KDM4C: variants seen among roughly 807,000 people sequenced by gnomAD.
The protein encoded by KDM4C is lysine demethylase 4C.
A neutral mutation model predicts 129.3 loss-of-function variants in KDM4C; 81 were observed. The observed-to-expected ratio is 0.63, with a 90% confidence interval of 0.52 to 0.75. The LOEUF (loss-of-function observed/expected upper bound fraction) is 0.75. KDM4C is among the 30% of genes least tolerant of loss of function. The probability of loss-of-function intolerance (pLI) is 0.00; values close to 1 mark genes in which losing one functional copy is unlikely to be tolerated. For synonymous variants in KDM4C, 573 were observed against 456.1 expected, an observed-to-expected ratio of 1.26 and a Z score of -3.26; for missense variants, 1,457 against 1,304.0, an observed-to-expected ratio of 1.12 and a Z score of -1.81.
At chr9:7,089,977 C>T (rs1332065407) in intron 17 of KDM4C, among the ~76,000 whole-genome samples, 1 of 152,228 alleles carries the variant, frequency 6.6e-6, no homozygotes, top group African/African-American at 2.4e-5. Flanking sequence ...CTGCCCATGC[C>T]AGTGCATCTT....
chr9:7,107,812 G>A (rs1837867136), intron 18 of KDM4C, among the ~76,000 whole-genome samples: 1 of 152,002 alleles, frequency 6.6e-6, no homozygotes, highest in Admixed American at 6.6e-5. Flanking sequence ...TTTTCCTTTA[G>A]TATTATTGTA....
chr9:7,165,508 C>A, intron 20 of KDM4C, 151 bp downstream of exon 20: 1 of 875,198 alleles, frequency 1.1e-6, no homozygotes, highest in Non-Finnish European at 1.7e-6. Flanking sequence ...GTGTAATGAC[C>A]CAGGTCGAAA....
intron 1 of KDM4C, among the ~76,000 whole-genome samples, chr9:6,751,920 A>G (rs1818074218): frequency 6.6e-6 from 1 of 152,224 alleles, no homozygotes; most frequent in Non-Finnish European, 1.5e-5. Context: ...GAATGTGAAA[A>G]TATCTTACAA....
At chr9:6,778,368 G>T (rs987343841) in intron 1 of KDM4C, among the ~76,000 whole-genome samples, 10 of 151,844 alleles carry the variant, frequency 6.6e-5, no homozygotes, top group African/African-American at 2.2e-4. Context: ...GGGATTATGG[G>T]CATGAGCCAC....
At chr9:6,877,108 A>G (rs1204320820) in intron 5 of KDM4C, among the ~76,000 whole-genome samples, 1 of 152,050 alleles carries the variant, frequency 6.6e-6, no homozygotes, top group African/African-American at 2.4e-5. Context: ...GCTGTCCTTC[A>G]TTCTCCCAGG....
In KDM4C at chr9:6,810,435, A is replaced by G. The variant is rs141515420; in HGVS notation, c.321-4196A>G. Among the ~76,000 whole-genome samples, 558 of 152,360 alleles carry G rather than the reference A, an allele frequency of 3.7e-3. 5 individuals are homozygous for G. Among genetic ancestry groups the G allele is most frequent in the African/African-American group, 0.012 (518 of 41,580 alleles). Reference sequence around the variant, plus strand: ...ATTTTTAGGCAAATTGTAAAGATTTACTTATTAACAGAATATACATTTCTT... The same window carrying G: ...ATTTTTAGGCAAATTGTAAAGATTTGCTTATTAACAGAATATACATTTCTT... On this transcript the variant is annotated intron_variant, in intron 3 of 21. Transcript: ENST00000381309.
chr9:6,886,974 C>T (rs1470697533), intron 6 of KDM4C, among the ~76,000 whole-genome samples: 1 of 152,240 alleles, frequency 6.6e-6, no homozygotes, highest in East Asian at 1.9e-4. Flanking sequence ...TTAGATGTCA[C>T]ATTTCCAGCA....
intron 4 of KDM4C, among the ~76,000 whole-genome samples, chr9:6,821,727 C>A (rs568140063): frequency 6.6e-6 from 1 of 152,004 alleles, no homozygotes; most frequent in African/African-American, 2.4e-5. Flanking sequence ...CCTTCACCCC[C>A]GGGTTCAAGC....
At chr9:7,038,248 G>T (rs1482871889) in intron 15 of KDM4C, among the ~76,000 whole-genome samples, 1 of 151,904 alleles carries the variant, frequency 6.6e-6, no homozygotes, top group Non-Finnish European at 1.5e-5. Context: ...TTAATACAAA[G>T]GAACTAGATA....
At chr9:6,826,295 A>G (rs534280950) in intron 4 of KDM4C, among the ~76,000 whole-genome samples, 69 of 152,172 alleles carry the variant, frequency 4.5e-4, no homozygotes, top group African/African-American at 1.6e-3. Flanking sequence ...CTTTAAGGTA[A>G]AAGTTACCTT....
intron 5 of KDM4C, among the ~76,000 whole-genome samples, chr9:6,862,020 C>G (rs1341174203): frequency 6.6e-6 from 1 of 152,120 alleles, no homozygotes; most frequent in East Asian, 1.9e-4. Flanking sequence ...GATTCACCTG[C>G]TTTGGCCTCC....
chr9:6,980,852 G>T, intron 8 of KDM4C, 73 bp from the exon 9 acceptor site: 1 of 1,312,852 alleles, frequency 7.6e-7, no homozygotes, highest in Non-Finnish European at 1.1e-6. Context: ...TGGATGATGT[G>T]TTCAAGGACC....
chr9:6,728,845 C>CA (rs1341872150), intron 1 of KDM4C, among the ~76,000 whole-genome samples: 2 of 151,440 alleles, frequency 1.3e-5, no homozygotes, highest in African/African-American at 4.8e-5. Context: ...GACTCCATCT[C>CA]AAAAAACAAA....
At chr9:6,785,169 G>A (rs2130801447) in intron 1 of KDM4C, among the ~76,000 whole-genome samples, 1 of 152,286 alleles carries the variant, frequency 6.6e-6, no homozygotes, top group South Asian at 2.1e-4. Context: ...GTGTTGGCAG[G>A]ACCGTGTTTT....
intron 17 of KDM4C, among the ~76,000 whole-genome samples, chr9:7,065,502 T>G (rs962882136): frequency 6.6e-6 from 1 of 152,186 alleles, no homozygotes; most frequent in Non-Finnish European, 1.5e-5. Context: ...CAAAAAAGTA[T>G]GGTCATGAAA....
At chr9:6,834,379 A>C (rs570216546) in intron 4 of KDM4C, 193 of 330,230 alleles carry the variant, frequency 5.8e-4, no homozygotes, top group African/African-American at 3.9e-3. Flanking sequence ...TTGTTGGCCA[A>C]GACCACGTCC....
intron 17 of KDM4C, among the ~76,000 whole-genome samples, chr9:7,068,021 C>G (rs1174522921): frequency 6.6e-6 from 1 of 152,166 alleles, no homozygotes; most frequent in East Asian, 1.9e-4. Flanking sequence ...TGGTCTCGAT[C>G]TCCTGACCTC....
At chr9:6,731,701 C>T (rs545363776) in intron 1 of KDM4C, among the ~76,000 whole-genome samples, 184 of 152,240 alleles carry the variant, frequency 1.2e-3, no homozygotes, top group Admixed American at 3.0e-3. Context: ...AAACAATGGC[C>T]TTCCATAATT....
intron 4 of KDM4C, among the ~76,000 whole-genome samples, chr9:6,828,668 C>T (rs766450627): frequency 4.8e-5 from 7 of 146,768 alleles, no homozygotes; most frequent in East Asian, 3.9e-4. Flanking sequence ...GTTGGGAGTT[C>T]GAGACCAACC....
Sources: gnomAD v4.1 joint callset for allele counts (sites outside exome capture counted in the v4.1 genomes callset) on GRCh38, gnomAD v4.1.1 for gene constraint, MANE v1.5 for transcripts, NCBI Gene and HGNC (gene_info 2026-07-23, HGNC 2026-07-21) for gene names.